Variants in ZGRF1 observed in about 807,000 individuals in gnomAD.
ZGRF1 encodes the protein zinc finger GRF-type containing 1, also known as 5'-3' DNA helicase ZGRF1.
Under a neutral mutation model 203.5 loss-of-function variants are expected in ZGRF1, and 196 were observed. That is an observed-to-expected ratio of 0.96 (90% CI 0.86 to 1.08). The LOEUF is 1.08. Among genes scored for constraint, ZGRF1 ranks in the 50% least tolerant of loss-of-function variants. ZGRF1 has a pLI of 0.00. For synonymous variants in ZGRF1, 809 were observed against 841.3 expected (o/e 0.96, Z 0.66); for missense variants, 2,326 against 2,416.3 (o/e 0.96, Z 0.78).
intron 20 of ZGRF1, among the ~76,000 whole-genome samples, chr4:112,557,412 T>C (rs1741140223): frequency 6.6e-6 from 1 of 152,170 alleles, no homozygotes; most frequent in African/African-American, 2.4e-5. Context: ...TGACATCAAG[T>C]GATCTGCCTG....
At position 112,629,009 on chromosome 4, in the gene ZGRF1, G is replaced by A. The variant is rs532204352; in HGVS notation, c.102+2921C>T. 3.3e-5 allele frequency among the ~76,000 whole-genome samples: 5 copies of A among 152,254 alleles called. No homozygotes were observed. The East Asian group carries it at 5.8e-4, about 18-fold the overall frequency. ...ATTAATCACATGACTTGAACATAGC[G>A]ATATTAACTATGAGACCACCACCTT... On this transcript the variant is annotated intron_variant, in intron 3 of 27. Transcript: ENST00000505019.
chr4:112,559,842 CA>C (rs963799130), intron 19 of ZGRF1, among the ~76,000 whole-genome samples: 2 of 152,106 alleles, frequency 1.3e-5, no homozygotes, highest in African/African-American at 4.8e-5. Flanking sequence ...CACTCTTACC[CA>C]CTAGGCTATA....
At chr4:112,561,188 G>A (rs1055173711) in intron 18 of ZGRF1, 193 bp from the exon 19 acceptor site, 5 of 559,582 alleles carry the variant, frequency 8.9e-6, no homozygotes, top group Admixed American at 6.3e-5. Flanking sequence ...GAGAACTGAC[G>A]TTTGTTGAAT....
Position 112,612,015 on chromosome 4 carries a change from GAGTGCA to G in ZGRF1, c.2667+503_2667+508del, listed in dbSNP as rs564838176. Among the ~76,000 whole-genome samples, 5 of 152,026 alleles carry G rather than the reference GAGTGCA, an allele frequency of 3.3e-5. No individual in the cohort carries two copies. The East Asian group carries it at 9.6e-4, about 29-fold the overall frequency. On this transcript the variant is annotated intron_variant, in intron 7 of 27. Transcript: ENST00000505019. The stretch of plus-strand genomic sequence containing the variant: ...AGTCTCACTCTTGTTGCCCAGGCTG[GAGTGCA>G]ATGGCATGATCTCGGCTCACTGCAA...
Position 112,584,132 on chromosome 4 carries a change from A to T in ZGRF1, c.4144T>A (p.Cys1382Ser). 1 of 1,613,440 alleles carries T rather than the reference A, an allele frequency of 6.2e-7. No homozygotes were observed. The stretch of plus-strand genomic sequence containing the variant: ...TCCTCAAGCCATTTAAAGAATTTAC[A>T]TCGATCAGCTTTGGGTCCATCACAT... ...YTCDGPKADR[C>S]KFFKWLEDVT... Residue 1382 changes from cysteine to serine, a missense_variant, in exon 15 of 28, where the codon TGT becomes AGT. Physicochemically the swap from Cys to Ser is moderately radical, Grantham distance 112. Coordinates refer to ENST00000505019, the MANE Select transcript of ZGRF1 (RefSeq NM_018392.5).
chr4:112,589,905 C>A, intron 10 of ZGRF1, 31 bp from the exon 11 acceptor site: 4 of 1,496,046 alleles, frequency 2.7e-6, no homozygotes, highest in South Asian at 1.4e-5. Flanking sequence ...AAACTACAGA[C>A]CAAAATCTTC....
chr4:112,575,152 T>C (rs1450570861), intron 16 of ZGRF1, among the ~76,000 whole-genome samples: 2 of 152,152 alleles, frequency 1.3e-5, no homozygotes, highest in Admixed American at 1.3e-4. Flanking sequence ...AACAAACTTA[T>C]TATTACGTAT....
At chr4:112,616,618 C>T (rs1347132632) in intron 6 of ZGRF1, among the ~76,000 whole-genome samples, 4 of 151,150 alleles carry the variant, frequency 2.6e-5, no homozygotes, top group East Asian at 1.9e-4. Context: ...GGGCAGATCA[C>T]GAAGTCAGGA....
chr4:112,544,162 G>A (rs928701377), intron 24 of ZGRF1, among the ~76,000 whole-genome samples: 19 of 152,128 alleles, frequency 1.2e-4, no homozygotes, highest in African/African-American at 4.1e-4. Context: ...TTTGCAAAAC[G>A]GAATACAATT....
Position 112,548,897 on chromosome 4 carries a change from G to A in ZGRF1, c.5347-517C>T, listed in dbSNP as rs970887539. Among the ~76,000 whole-genome samples the A allele has an allele frequency of 7.8e-5, 2 of 25,724 alleles. 1 individual carries two copies. Among genetic ancestry groups the A allele is most frequent in the Non-Finnish European group, 1.5e-4 (2 of 13,454 alleles). 16.9% of individuals were successfully genotyped at this position (25,724 alleles called of 152,430 possible). On this transcript the variant is annotated intron_variant, in intron 22 of 27. Transcript: ENST00000505019. ...TGGGAGGCCGAGGCGGGCGGATCAC[G>A]AGGTCAGGAGATCGAGACCATCCCG...
At position 112,563,115 on chromosome 4, in the gene ZGRF1, G is replaced by C; in HGVS notation, c.4582+16C>G. The C allele has an allele frequency of 1.3e-6, 2 of 1,523,540 alleles. No individual in the cohort carries two copies. Among genetic ancestry groups the C allele is most frequent in the South Asian group, 1.2e-5 (1 of 80,444 alleles). 94.4% of individuals were successfully genotyped at this position (1,523,540 alleles called of 1,614,324 possible). On this transcript the variant is annotated intron_variant, in intron 17 of 27. Coordinates refer to ENST00000505019, the MANE Select transcript of ZGRF1 (RefSeq NM_018392.5). ...TCTTTTTAAATATAAACTAAAATGA[G>C]CATAGTAATACTCACTGTTAGTGGG...
rs756038996 is a variant in ZGRF1 at position 112,558,192 on chromosome 4, A to G, written c.5078T>C (p.Ile1693Thr). The G allele has an allele frequency of 6.2e-6, 10 of 1,609,640 alleles. No individual in the cohort carries two copies. The highest frequency in any genetic ancestry group is 8.5e-7 in the Non-Finnish European group (1 of 1,178,484). ...IGNARPWKLL[I>T]SSSTNVAVDR... ...AACAGCCACATTAGTAGAAGAAGAA[A>G]TCAGAAGTTTCCACGGCCTTGCATT... The change falls in exon 20 of 28, where the codon ATT becomes ACT. Residue 1693 changes from isoleucine to threonine, a missense_variant. By Grantham distance (89) the Ile-to-Thr change is moderately conservative. Transcript: ENST00000505019.
At chr4:112,575,488 C>G (rs974471042) in intron 16 of ZGRF1, among the ~76,000 whole-genome samples, 1 of 152,058 alleles carries the variant, frequency 6.6e-6, no homozygotes, top group Non-Finnish European at 1.5e-5. Context: ...CATCGCCTCA[C>G]CCGGGAAGTG....
intron 27 of ZGRF1, 60 bp downstream of exon 27, chr4:112,539,803 T>G: frequency 6.3e-7 from 1 of 1,596,542 alleles, no homozygotes; most frequent in Non-Finnish European, 8.6e-7. Context: ...ACCCCAAGCA[T>G]TAACCCATAA....
chr4:112,623,477 T>C (rs2047130060), intron 4 of ZGRF1, among the ~76,000 whole-genome samples: 1 of 152,194 alleles, frequency 6.6e-6, no homozygotes, highest in South Asian at 2.1e-4. Context: ...GACCTCTGCC[T>C]ATGAAAAAAT....
At chr4:112,574,698 A>C (rs1346523777) in intron 16 of ZGRF1, among the ~76,000 whole-genome samples, 2 of 152,186 alleles carry the variant, frequency 1.3e-5, no homozygotes, top group African/African-American at 2.4e-5. Context: ...AATCTCAAAT[A>C]ATGATTAATC....
At chr4:112,590,008 C>T in intron 10 of ZGRF1, 134 bp from the exon 11 acceptor site, 1 of 552,418 alleles carries the variant, frequency 1.8e-6, no homozygotes, top group South Asian at 4.6e-5. Flanking sequence ...GTGGGGGCAA[C>T]AACTATAAAA....
intron 16 of ZGRF1, among the ~76,000 whole-genome samples, chr4:112,568,384 C>G (rs953459278): frequency 3.1e-4 from 47 of 152,004 alleles, no homozygotes; most frequent in African/African-American, 9.2e-4. Context: ...AAACTCCCAG[C>G]CAGAAAGACC....
chr4:112,619,266 A>T lies in ZGRF1; in HGVS notation c.776T>A (p.Leu259Gln), dbSNP rs111683143. The T allele has an allele frequency of 6.2e-7, 1 of 1,613,364 alleles. No individual in the cohort carries two copies. The highest frequency in any genetic ancestry group is 8.5e-7 in the Non-Finnish European group (1 of 1,179,988). Residue 259 changes from leucine (L) to glutamine (Q), a missense_variant, in exon 6 of 28, where the codon CTG becomes CAG. Physicochemically the swap from Leu to Gln is moderately radical, Grantham distance 113. Coordinates refer to ENST00000505019, the MANE Select transcript of ZGRF1 (RefSeq NM_018392.5). ...IRSKAQILALLKSESSSSCEE... is the reference protein window; with the variant it reads ...IRSKAQILALQKSESSSSCEE... ...ACATGAACTAGATGATTCGGACTTC[A>T]GAAGAGCTAATATCTGTGCTTTGCT... is the stretch of plus-strand genomic sequence containing the variant.
Sources: gnomAD v4.1 joint callset for allele counts (sites outside exome capture counted in the v4.1 genomes callset) on GRCh38, gnomAD v4.1.1 for gene constraint, MANE v1.5 for transcripts, NCBI Gene and HGNC (gene_info 2026-07-23, HGNC 2026-07-21) for gene names.